Variants in HERC3 observed in about 807,000 individuals in gnomAD.
The protein encoded by HERC3 is HECT and RLD domain containing E3 ubiquitin protein ligase 3, also known as probable E3 ubiquitin-protein ligase HERC3.
Under a neutral mutation model 129.9 loss-of-function variants are expected in HERC3, and 58 were observed. That is an observed-to-expected ratio of 0.45 (90% confidence interval 0.36 to 0.56). The LOEUF (loss-of-function observed/expected upper bound fraction) is 0.56, where lower values mean the gene tolerates loss of function less well. Ranked by LOEUF, HERC3 falls within the 20% of genes least tolerant of loss-of-function variation. The probability of loss-of-function intolerance (pLI) is 0.00; values close to 1 mark genes in which losing one functional copy is unlikely to be tolerated. For synonymous variants in HERC3, 430 were observed against 451.0 expected (o/e 0.95, Z 0.59); for missense variants, 835 against 1,244.2 (o/e 0.67, Z 4.95).
intron 3 of HERC3, among the ~76,000 whole-genome samples, chr4:88,621,895 A>G (rs75347779): frequency 6.6e-6 from 1 of 152,204 alleles, no homozygotes; most frequent in Non-Finnish European, 1.5e-5. Context: ...TCTGCAGTAG[A>G]TAGTTGTACT....
At chr4:88,533,494 T>A in the HERC3 span, among the ~76,000 whole-genome samples, 2 of 152,194 alleles carry the variant, frequency 1.3e-5, no homozygotes, top group Non-Finnish European at 2.9e-5. Context: ...CGATGTCACC[T>A]GAGACCTATG....
intron 23 of HERC3, chr4:88,692,769 C>T: frequency 3.2e-6 from 1 of 312,132 alleles, no homozygotes; most frequent in Non-Finnish European, 4.7e-6. Flanking sequence ...AGCTAGAAGT[C>T]CAGGATTCTA....
At chr4:88,609,373 C>T (rs1423219745) in intron 3 of HERC3, among the ~76,000 whole-genome samples, 1 of 152,152 alleles carries the variant, frequency 6.6e-6, no homozygotes, top group Non-Finnish European at 1.5e-5. Context: ...GTAGAGTAAT[C>T]TGTGTAAATA....
intron 2 of HERC3, among the ~76,000 whole-genome samples, chr4:88,597,465 A>G (rs1722525763): frequency 1.3e-5 from 2 of 152,210 alleles, no homozygotes; most frequent in South Asian, 4.1e-4. Context: ...CAGCAGTGAA[A>G]TTACTGTGTG....
At chr4:88,597,314 G>T (rs1722506973) in intron 2 of HERC3, among the ~76,000 whole-genome samples, 2 of 152,176 alleles carry the variant, frequency 1.3e-5, no homozygotes, top group South Asian at 4.1e-4. Flanking sequence ...TACCATAGTG[G>T]ACAGTGCAAA....
At chr4:88,578,109 A>G in the HERC3 span, among the ~76,000 whole-genome samples, 8 of 152,212 alleles carry the variant, frequency 5.3e-5, no homozygotes, top group African/African-American at 1.9e-4. Context: ...AGTTTAAGAG[A>G]AAAGAAGGAA....
intron 12 of HERC3, among the ~76,000 whole-genome samples, chr4:88,665,644 G>A: frequency 6.6e-6 from 1 of 152,026 alleles, no homozygotes; most frequent in East Asian, 1.9e-4. Context: ...AGCTATCTGG[G>A]TATTCCTTAA....
chr4:88,664,116 A>G (rs764913227), intron 11 of HERC3, 37 bp from the exon 12 acceptor site: 2 of 1,568,176 alleles, frequency 1.3e-6, no homozygotes, highest in Middle Eastern at 1.7e-4. Context: ...ATTTGTAATT[A>G]TTAAAGGCTT....
At chr4:88,574,957 A>G in the HERC3 span, among the ~76,000 whole-genome samples, 2 of 152,158 alleles carry the variant, frequency 1.3e-5, no homozygotes, top group African/African-American at 4.8e-5. Context: ...GTCATATGGA[A>G]TTAATAATTA....
the HERC3 span, among the ~76,000 whole-genome samples, chr4:88,529,603 A>T: frequency 6.6e-6 from 1 of 152,180 alleles, no homozygotes; most frequent in African/African-American, 2.4e-5. Flanking sequence ...AAAATAGAAA[A>T]ATTAGCCAGG....
the HERC3 span, among the ~76,000 whole-genome samples, chr4:88,544,964 T>C: frequency 1.3e-5 from 2 of 152,138 alleles, no homozygotes; most frequent in African/African-American, 2.4e-5. Context: ...GACGAGTTGA[T>C]GGGTGCAGCA....
chr4:88,703,867 A>G (rs567972257), intron 23 of HERC3, among the ~76,000 whole-genome samples: 5 of 152,260 alleles, frequency 3.3e-5, no homozygotes, highest in Admixed American at 2.6e-4. Context: ...TGCCCTTCCT[A>G]TCTGGCTTAT....
At chr4:88,691,332 G>T (rs1734052061) in intron 23 of HERC3, among the ~76,000 whole-genome samples, 1 of 152,198 alleles carries the variant, frequency 6.6e-6, no homozygotes, top group South Asian at 2.1e-4. Context: ...AGACCCTGTT[G>T]CTGTCACAGT....
the HERC3 span, among the ~76,000 whole-genome samples, chr4:88,555,742 G>A: frequency 6.6e-6 from 1 of 152,166 alleles, no homozygotes; most frequent in Non-Finnish European, 1.5e-5. Flanking sequence ...GCTGAAGTGA[G>A]GATGCAGATA....
At chr4:88,661,289 A>G (rs74519578) in intron 10 of HERC3, among the ~76,000 whole-genome samples, 21,976 of 152,198 alleles carry the variant, frequency 0.14, 1,731 homozygotes, top group East Asian at 0.2. Context: ...TGTTCTCTCA[A>G]TAGATATCTG....
intron 23 of HERC3, chr4:88,697,943 G>T: frequency 1.4e-6 from 1 of 720,836 alleles, no homozygotes; most frequent in South Asian, 2.0e-5. Context: ...ACGGCCGTGT[G>T]CTCATACTGC....
chr4:88,572,616 C>T, the HERC3 span, among the ~76,000 whole-genome samples: 2 of 151,170 alleles, frequency 1.3e-5, no homozygotes. Context: ...TGAGACCATC[C>T]TGGCCAACAT....
chr4:88,701,803 A>AT (rs34857474), intron 23 of HERC3, among the ~76,000 whole-genome samples: 23,721 of 140,302 alleles, frequency 0.17, 2,325 homozygotes, highest in South Asian at 0.36. Context: ...GTTAAAACAG[A>AT]TTTTTTTTTT....
At chr4:88,627,197 T>G (rs1191555916) in intron 3 of HERC3, among the ~76,000 whole-genome samples, 1 of 152,136 alleles carries the variant, frequency 6.6e-6, no homozygotes, top group Non-Finnish European at 1.5e-5. Context: ...TATGTGGCAA[T>G]TTTGCTGTTA....
Sources: allele counts gnomAD v4.1 joint callset (sites outside exome capture counted in the v4.1 genomes callset), GRCh38; gene constraint gnomAD v4.1.1; transcripts MANE v1.5; gene names NCBI Gene and HGNC (gene_info 2026-07-23, HGNC 2026-07-21).